Variants in GRAMD4 observed in about 807,000 individuals in gnomAD.
GRAMD4 encodes the protein GRAM domain containing 4.
A neutral mutation model predicts 83.9 loss-of-function variants in GRAMD4; 25 were observed. The observed-to-expected ratio is 0.30, with a 90% CI of 0.22 to 0.42. The LOEUF is 0.42. GRAMD4 is among the 10% of genes least tolerant of loss of function. The pLI, the probability that GRAMD4 is intolerant of heterozygous loss-of-function variation, is 1.00. For synonymous variants in GRAMD4, 336 were observed against 320.9 expected, an observed-to-expected ratio of 1.05 and a Z score of -0.50; for missense variants, 593 against 788.7, an observed-to-expected ratio of 0.75 and a Z score of 2.97.
upstream of GRAMD4, among the ~76,000 whole-genome samples, chr22:46,618,691 G>A (rs571587533): frequency 6.6e-6 from 1 of 152,278 alleles, no homozygotes; most frequent in Admixed American, 6.5e-5. The surrounding 1 kb of genome is among the most constrained non-coding windows in gnomAD (Gnocchi z 5.8). Flanking sequence ...GCCTGGACCA[G>A]GCTGGGGTGG....
intron 1 of GRAMD4, among the ~76,000 whole-genome samples, chr22:46,583,660 G>T (rs2081119058): frequency 6.6e-6 from 1 of 152,218 alleles, no homozygotes; most frequent in South Asian, 2.1e-4. Context: ...ATTTCTCATG[G>T]TGCGACTGGG....
At chr22:46,613,897 A>G (rs2081442866) in intron 1 of GRAMD4, among the ~76,000 whole-genome samples, 1 of 152,050 alleles carries the variant, frequency 6.6e-6, no homozygotes, top group African/African-American at 2.4e-5. Flanking sequence ...CATCTGTCTC[A>G]AGCCTGCTGG....
chr22:46,672,747 C>T lies in GRAMD4; in HGVS notation c.1085-96C>T. On this transcript the variant is annotated intron_variant, in intron 13 of 18. Transcript: ENST00000406902. This position sits in a 1 kb window ranked among gnomAD's most constrained non-coding sequence, Gnocchi z 4.7. ...CATCCAGGCTCAGGGTGGAGGGTGC[C>T]AATCTGGGAGGTGGGAGGTGCCGGA... 1 of 944,374 alleles carries T rather than the reference C, an allele frequency of 1.1e-6. No individual in the cohort carries two copies. The highest frequency in any genetic ancestry group is 1.6e-6 in the Non-Finnish European group (1 of 608,760). 58.5% of individuals were successfully genotyped at this position (944,374 alleles called of 1,614,324 possible).
rs539633811 is a variant in GRAMD4 at position 46,634,944 on chromosome 22, T to G, written c.163-2896T>G. 6.2e-5 allele frequency among the ~76,000 whole-genome samples: 9 copies of G among 145,482 alleles called. No individual in the cohort carries two copies. The South Asian group carries it at 1.9e-3, about 31-fold the overall frequency. On this transcript the variant is annotated intron_variant, in intron 2 of 18. Coordinates refer to ENST00000406902, the MANE Select transcript of GRAMD4 (RefSeq NM_015124.5). ...GGCGACAGAGTGAGACTTCACCATC[T>G]CAAAAAAAAAAAAAAGAAATCATAA...
At chr22:46,638,272 G>A (rs1292564883) in intron 3 of GRAMD4, among the ~76,000 whole-genome samples, 3 of 152,264 alleles carry the variant, frequency 2.0e-5, no homozygotes, top group Non-Finnish European at 4.4e-5. Flanking sequence ...GAAAAGGAGT[G>A]AAATGTTCCC....
intron 7 of GRAMD4, 62 bp from the exon 8 acceptor site, chr22:46,663,964 G>C (rs759449336): frequency 2.2e-5 from 34 of 1,574,642 alleles, no homozygotes; most frequent in Middle Eastern, 1.7e-4. Context: ...ACTCTCCAGG[G>C]AGACGTGGTT....
At chr22:46,637,785 G>A (rs2081912705) in intron 2 of GRAMD4, 55 bp from the exon 3 acceptor site, 2 of 1,603,814 alleles carry the variant, frequency 1.2e-6, no homozygotes, top group African/African-American at 1.3e-5. Flanking sequence ...ACTGAGTGGT[G>A]CAGACCCAGG....
At chr22:46,651,627 A>AG (rs1351825800) in intron 3 of GRAMD4, among the ~76,000 whole-genome samples, 2 of 152,196 alleles carry the variant, frequency 1.3e-5, no homozygotes, top group African/African-American at 4.8e-5. Context: ...AGACAGGTGC[A>AG]GGGGGTCTTG....
chr22:46,593,331 G>A lies in GRAMD4; in HGVS notation c.-50+16041G>A, dbSNP rs138250162. Among the ~76,000 whole-genome samples, 623 of 152,144 alleles carry A rather than the reference G, an allele frequency of 4.1e-3. 5 individuals carry two copies. Among genetic ancestry groups the A allele is most frequent in the African/African-American group, 0.015 (605 of 41,520 alleles). ...CTTGCGGGCGGCCCTTGTTGCAGGC[G>A]GTCTTGGCGAGAGACATCCCCATTT... On this transcript the variant is annotated intron_variant, in intron 1 of 1. Transcript: ENST00000431155.
chr22:46,601,551 C>T (rs931590649), intron 1 of GRAMD4, among the ~76,000 whole-genome samples: 1 of 151,972 alleles, frequency 6.6e-6, no homozygotes, highest in Non-Finnish European at 1.5e-5. Flanking sequence ...AATCTCAGCA[C>T]TTTGGGAGGC....
At chr22:46,594,166 G>A (rs1030957686) in intron 1 of GRAMD4, among the ~76,000 whole-genome samples, 7 of 140,542 alleles carry the variant, frequency 5.0e-5, no homozygotes, top group African/African-American at 1.6e-4. Flanking sequence ...CCCCTCCCCA[G>A]CTGCCCCACG....
chr22:46,613,866 G>A (rs1601559369), intron 1 of GRAMD4, among the ~76,000 whole-genome samples: 4 of 151,858 alleles, frequency 2.6e-5, no homozygotes, highest in African/African-American at 9.7e-5. Flanking sequence ...TTTGCATTTA[G>A]ACCTCACCTT....
intron 18 of GRAMD4, 74 bp from the exon 19 acceptor site, chr22:46,677,073 G>T: frequency 6.3e-7 from 1 of 1,578,232 alleles, no homozygotes; most frequent in South Asian, 1.1e-5. Context: ...GCTGGTGTTG[G>T]ACTTCGTCTC....
chr22:46,649,224 A>G (rs1031145584), intron 3 of GRAMD4, among the ~76,000 whole-genome samples: 6 of 152,170 alleles, frequency 3.9e-5, no homozygotes, highest in Non-Finnish European at 7.4e-5. Flanking sequence ...CCTAGCCCAC[A>G]CTCAGCAGGG....
intron 9 of GRAMD4, among the ~76,000 whole-genome samples, chr22:46,665,986 G>T (rs1471291300): frequency 6.6e-6 from 1 of 152,240 alleles, no homozygotes; most frequent in African/African-American, 2.4e-5. Context: ...ATCGCAGGGG[G>T]CTTCTCCCCA....
chr22:46,630,354 G>T (rs1398948462), intron 2 of GRAMD4, among the ~76,000 whole-genome samples: 1 of 152,124 alleles, frequency 6.6e-6, no homozygotes, highest in African/African-American at 2.4e-5. Context: ...ATCTGTTGTG[G>T]GCGCTTGGGC....
At position 46,659,889 on chromosome 22, in the gene GRAMD4, A is replaced by G. The variant is rs2082302873; in HGVS notation, c.405-1492A>G. Among the ~76,000 whole-genome samples, 1 of 152,208 alleles carries G rather than the reference A, an allele frequency of 6.6e-6. No individual in the cohort carries two copies. Among genetic ancestry groups the G allele is most frequent in the African/African-American group, 2.4e-5 (1 of 41,448 alleles). The stretch of plus-strand genomic sequence containing the variant: ...TCCACAGAAGCTCAAAGCTTAAATT[A>G]CATTTAATTATGTAGAGTTGCAACA... On this transcript the variant is annotated intron_variant, in intron 4 of 18. Coordinates refer to ENST00000406902, the MANE Select transcript of GRAMD4 (RefSeq NM_015124.5). This position sits in a 1 kb window ranked among gnomAD's most constrained non-coding sequence, Gnocchi z 4.1.
chr22:46,584,676 G>C (rs2081131090), intron 1 of GRAMD4, among the ~76,000 whole-genome samples: 1 of 152,174 alleles, frequency 6.6e-6, no homozygotes, highest in Non-Finnish European at 1.5e-5. Flanking sequence ...AGCATGGCTG[G>C]CTGGGGCTGG....
intron 1 of GRAMD4, among the ~76,000 whole-genome samples, chr22:46,602,312 C>T (rs1836305039): frequency 6.6e-6 from 1 of 152,182 alleles, no homozygotes; most frequent in African/African-American, 2.4e-5. Context: ...AGCCTGTGTC[C>T]CCTGACCCCA....
Sources: allele counts gnomAD v4.1 joint callset (sites outside exome capture counted in the v4.1 genomes callset), GRCh38; gene constraint gnomAD v4.1.1; non-coding constraint Gnocchi (gnomAD v3.1); transcripts MANE v1.5; gene names NCBI Gene and HGNC (gene_info 2026-07-23, HGNC 2026-07-21).